Variants in CTSE observed in about 807,000 individuals in gnomAD.
The protein encoded by CTSE is cathepsin E.
Under a neutral mutation model 42.8 loss-of-function variants are expected in CTSE, and 43 were observed. The observed-to-expected ratio is 1.01, with a 90% CI of 0.79 to 1.30. The LOEUF (loss-of-function observed/expected upper bound fraction) is 1.30. Among genes scored for constraint, CTSE ranks in the 50% most tolerant of loss-of-function variants. CTSE has a pLI of 0.00. For synonymous variants in CTSE, 205 were observed against 191.5 expected (o/e 1.07, Z -0.58); for missense variants, 532 against 493.5 (o/e 1.08, Z -0.74).
Position 206,014,117 on chromosome 1 carries a change from G to C in CTSE, c.663-223C>G, listed in dbSNP as rs1259340637. The stretch of plus-strand genomic sequence containing the variant: ...ACTCCCCTTGACCATTTGTGAATGT[G>C]TTTCTGCTTCTTGGATAAAAAGGTT... On this transcript the variant is annotated intron_variant, in intron 5 of 8. Coordinates refer to ENST00000358184, the MANE Select transcript of CTSE (RefSeq NM_001910.4). The C allele has an allele frequency of 9.6e-5, 50 of 519,014 alleles. 1 individual carries two copies. Among genetic ancestry groups the C allele is most frequent in the Non-Finnish European group, 2.1e-5 (6 of 289,960 alleles). The allele number at this position is 519,014 out of a possible 1,614,324, so 32.2% of individuals were successfully genotyped here.
chr1:206,022,516 A>G (rs1414091861), intron 2 of CTSE, among the ~76,000 whole-genome samples: 12 of 152,140 alleles, frequency 7.9e-5, no homozygotes, highest in Non-Finnish European at 1.8e-4. Context: ...CCTGATTCTT[A>G]TAAATACATT....
chr1:206,016,021 G>A lies in CTSE; in HGVS notation c.572C>T (p.Ser191Phe), dbSNP rs781799564. ...FDGILGLGYPSLAVGGVTPVF... is the reference protein window; with the variant it reads ...FDGILGLGYPFLAVGGVTPVF... Reference sequence around the variant, plus strand: ...TGGAGTCACTCCTCCCACAGCCAAGGAGGGGTATCCCAGGCCCAGAATTCC... The same window carrying A: ...TGGAGTCACTCCTCCCACAGCCAAGAAGGGGTATCCCAGGCCCAGAATTCC... The change falls in exon 5 of 9, where the codon TCC becomes TTC. Residue 191 changes from serine (S) to phenylalanine (F), a missense_variant. Coordinates refer to ENST00000358184, the MANE Select transcript of CTSE (RefSeq NM_001910.4). The A allele has an allele frequency of 4.3e-6, 7 of 1,613,808 alleles. No individual in the cohort carries two copies. The highest frequency in any genetic ancestry group is 2.7e-5 in the African/African-American group (2 of 74,918).
rs1462314521 is a variant in CTSE at position 206,023,154 on chromosome 1, G to A, written c.69-97C>T. The A allele has an allele frequency of 7.5e-6, 8 of 1,064,264 alleles. No individual in the cohort carries two copies. In the African/African-American group the frequency reaches 7.8e-5, roughly 10 times the overall value. 65.9% of individuals were successfully genotyped at this position (1,064,264 alleles called of 1,614,324 possible). A position where few individuals can be genotyped will look rare whatever the true frequency, so the allele number is the denominator to read the frequency against. On this transcript the variant is annotated intron_variant, in intron 1 of 8. Transcript: ENST00000358184. ...TCTCAGGGGCCAACTAGAGAAGATG[G>A]GGTGGGAGGGGGGGATCTGCAAGAC...
chr1:206,016,971 G>A (rs1327523320), intron 4 of CTSE, among the ~76,000 whole-genome samples: 1 of 152,008 alleles, frequency 6.6e-6, no homozygotes, highest in Non-Finnish European at 1.5e-5. Context: ...AAAATTGGTT[G>A]TATAGACCAA....
At position 206,022,151 on chromosome 1, in the gene CTSE, G is replaced by A. The variant is rs782332400; in HGVS notation, c.342C>T (p.Cys114=). The change falls in exon 3 of 9, where the codon TGC becomes TGT. Residue 114 remains cysteine (C), a splice_region_variant and synonymous_variant. Transcript: ENST00000358184. ...VPSVYCTSPA[C]KTHSRFQPSQ... ...GCTGGTGCTCCTGGCCCCACTTACT[G>A]CAGGCTGGGCTAGTGCAGTACACAG... 14 of 1,583,620 alleles carry A rather than the reference G, an allele frequency of 8.8e-6. No homozygotes were observed. The highest frequency in any genetic ancestry group is 1.2e-5 in the Non-Finnish European group (14 of 1,159,566).
intron 3 of CTSE, among the ~76,000 whole-genome samples, chr1:206,021,682 A>G (rs974040929): frequency 6.6e-6 from 1 of 151,920 alleles, no homozygotes; most frequent in Non-Finnish European, 1.5e-5. Flanking sequence ...ACCTCTGGAC[A>G]AATGGACCCA....
At chr1:206,021,248 C>G in intron 3 of CTSE, 81 bp from the exon 4 acceptor site, 1 of 1,093,680 alleles carries the variant, frequency 9.1e-7, no homozygotes, top group Non-Finnish European at 1.4e-6. Context: ...AGCCCCACAG[C>G]GGCAGGGTCT....
At chr1:206,017,771 C>T (rs1482440078) in intron 4 of CTSE, among the ~76,000 whole-genome samples, 2 of 152,076 alleles carry the variant, frequency 1.3e-5, no homozygotes, top group Admixed American at 1.3e-4. Context: ...GCCACTGTGC[C>T]TGGCCCCAGA....
intron 1 of CTSE, 55 bp from the exon 2 acceptor site, chr1:206,023,112 C>T (rs983237713): frequency 1.3e-6 from 2 of 1,557,860 alleles, no homozygotes; most frequent in Admixed American, 1.7e-5. Context: ...CCTCTTCCCC[C>T]CATTCTCGTC....
intron 1 of CTSE, among the ~76,000 whole-genome samples, chr1:206,023,447 A>G (rs1287540133): frequency 6.6e-6 from 1 of 151,862 alleles, no homozygotes; most frequent in Non-Finnish European, 1.5e-5. Flanking sequence ...TGAGCTACAA[A>G]CCACAACTGC....
At chr1:206,016,668 C>A (rs575917186) in intron 4 of CTSE, among the ~76,000 whole-genome samples, 88 of 152,176 alleles carry the variant, frequency 5.8e-4, no homozygotes, top group Admixed American at 1.2e-3. Flanking sequence ...ATTCATATGA[C>A]CTGGCACTAT....
intron 4 of CTSE, among the ~76,000 whole-genome samples, chr1:206,016,972 T>C (rs1012506290): frequency 2.6e-5 from 4 of 152,092 alleles, no homozygotes; most frequent in Admixed American, 6.6e-5. Context: ...AAATTGGTTG[T>C]ATAGACCAAT....
chr1:206,023,830 T>C lies in CTSE; in HGVS notation c.-39A>G. On this transcript the variant is annotated 5_prime_UTR_variant, in exon 1 of 9. Coordinates refer to ENST00000358184, the MANE Select transcript of CTSE (RefSeq NM_001910.4). ...AGCAGCTTCTCCCTTGCCCCCTCCT[T>C]TCTTCTCTCCCCGAGGGCAGTGGGA... 1 of 1,604,932 alleles carries C rather than the reference T, an allele frequency of 6.2e-7. No homozygotes were observed. The highest frequency in any genetic ancestry group is 8.5e-7 in the Non-Finnish European group (1 of 1,172,086).
chr1:206,023,507 C>T (rs1661513450), intron 1 of CTSE, among the ~76,000 whole-genome samples: 1 of 151,912 alleles, frequency 6.6e-6, no homozygotes, highest in Admixed American at 6.6e-5. Context: ...CTTGGGAAGG[C>T]ACCTCCGTGG....
At chr1:206,011,244 C>G (rs1661090937) in intron 8 of CTSE, among the ~76,000 whole-genome samples, 2 of 151,978 alleles carry the variant, frequency 1.3e-5, no homozygotes, top group Non-Finnish European at 2.9e-5. Context: ...TCTAAAAGAA[C>G]CACTCACCAT....
At chr1:206,021,460 C>T (rs1412187437) in intron 3 of CTSE, 1 of 338,428 alleles carries the variant, frequency 3.0e-6, no homozygotes, top group African/African-American at 2.1e-5. Context: ...AGCCACAGTC[C>T]CTGCCACCCA....
chr1:206,022,116 G>A (rs1661448191), intron 3 of CTSE, 34 bp downstream of exon 3: 1 of 1,460,962 alleles, frequency 6.8e-7, no homozygotes. Flanking sequence ...CTAGCCCCCA[G>A]ACATTCTCTG....
intron 3 of CTSE, 45 bp from the exon 4 acceptor site, chr1:206,021,212 G>T (rs2102277488): frequency 6.9e-7 from 1 of 1,448,784 alleles, no homozygotes; most frequent in Non-Finnish European, 9.7e-7. Context: ...CGGCTCACTG[G>T]CTGCATCCCT....
chr1:206,012,789 C>T, intron 6 of CTSE, 140 bp from the exon 7 acceptor site: 4 of 972,530 alleles, frequency 4.1e-6, no homozygotes, highest in Non-Finnish European at 4.7e-6. Context: ...TTGTTTTCTA[C>T]TGAGATCCAT....
Sources: gnomAD v4.1 joint callset for allele counts (sites outside exome capture counted in the v4.1 genomes callset) on GRCh38, gnomAD v4.1.1 for gene constraint, MANE v1.5 for transcripts, NCBI Gene and HGNC (gene_info 2026-07-23, HGNC 2026-07-21) for gene names.